IPCEF1: variants seen among roughly 807,000 people sequenced by gnomAD.
IPCEF1 encodes the protein interaction protein for cytohesin exchange factors 1.
IPCEF1 carries 31 observed loss-of-function variants against 50.9 expected under a neutral mutation model. The ratio of observed to expected loss-of-function variants is 0.61; its 90% CI spans 0.46 to 0.82. IPCEF1 has a LOEUF of 0.82. IPCEF1 is among the 40% of genes least tolerant of loss of function. The pLI is 0.00. For missense variants in IPCEF1, 458 were observed against 514.0 expected (o/e 0.89, Z 1.05); for synonymous variants, 181 against 192.0 (o/e 0.94, Z 0.47).
chr6:154,194,145 A>T (rs919450704), intron 10 of IPCEF1, among the ~76,000 whole-genome samples: 10 of 152,240 alleles, frequency 6.6e-5, no homozygotes, highest in African/African-American at 2.2e-4. Context: ...CATGCCTGTA[A>T]TCCCAGCAAT....
intron 10 of IPCEF1, among the ~76,000 whole-genome samples, chr6:154,197,424 A>T (rs1776703946): frequency 6.6e-6 from 1 of 152,230 alleles, no homozygotes; most frequent in Non-Finnish European, 1.5e-5. Flanking sequence ...GCAGAAGAAA[A>T]TCATCAGCAA....
chr6:154,221,667 A>G (rs1778871664), intron 6 of IPCEF1, among the ~76,000 whole-genome samples: 1 of 152,022 alleles, frequency 6.6e-6, no homozygotes, highest in South Asian at 2.1e-4. Flanking sequence ...AGGTCAGGAG[A>G]TCGAGACCAT....
intron 3 of IPCEF1, among the ~76,000 whole-genome samples, chr6:154,250,640 G>A (rs1017042409): frequency 3.3e-5 from 5 of 152,194 alleles, no homozygotes; most frequent in Non-Finnish European, 5.9e-5. Context: ...GAATGTTGGG[G>A]CTAACGCCCA....
intron 5 of IPCEF1, among the ~76,000 whole-genome samples, chr6:154,245,438 C>T (rs1255699339): frequency 2.6e-5 from 4 of 152,072 alleles, no homozygotes; most frequent in African/African-American, 9.7e-5. Context: ...CTGGTTTAAC[C>T]AAATCTTTAA....
At chr6:154,196,614 T>C (rs771001087) in intron 10 of IPCEF1, among the ~76,000 whole-genome samples, 4 of 152,210 alleles carry the variant, frequency 2.6e-5, no homozygotes, top group Non-Finnish European at 5.9e-5. Flanking sequence ...TAGTGTGTGT[T>C]GTACATATGT....
intron 2 of IPCEF1, among the ~76,000 whole-genome samples, chr6:154,273,731 T>C (rs12174102): frequency 2.7e-3 from 51 of 18,672 alleles, no homozygotes; most frequent in East Asian, 0.017. Context: ...TTTCTTTTTT[T>C]TTTTTTTTTT....
intron 10 of IPCEF1, among the ~76,000 whole-genome samples, chr6:154,192,318 C>CTGTGTGTTTGTGTGTGTGTGTG (rs374502866): frequency 1.4e-5 from 2 of 148,032 alleles, no homozygotes; most frequent in Non-Finnish European, 3.0e-5. Context: ...CACGTGGTTA[C>CTGTGTGTTTGTGTGTGTGTGTG]TGTGTGTGTG....
intron 10 of IPCEF1, among the ~76,000 whole-genome samples, chr6:154,171,461 T>G (rs906321010): frequency 1.3e-5 from 2 of 151,844 alleles, no homozygotes; most frequent in Non-Finnish European, 2.9e-5. Flanking sequence ...GCCTGGGGTC[T>G]GGGAGGGGAC....
intron 1 of IPCEF1, among the ~76,000 whole-genome samples, chr6:154,350,394 A>G (rs1190274678): frequency 6.6e-6 from 1 of 152,242 alleles, no homozygotes; most frequent in Non-Finnish European, 1.5e-5. Flanking sequence ...AATCTTTTAT[A>G]GATTTCACAA....
In IPCEF1 at chr6:154,243,020, T is replaced by C. The variant is rs191535449; in HGVS notation, c.246+3571A>G. Among the ~76,000 whole-genome samples the C allele has an allele frequency of 1.5e-3, 225 of 152,088 alleles. 4 individuals are homozygous for C. Among genetic ancestry groups the C allele is most frequent in the Admixed American group, 0.015 (224 of 15,272 alleles). On this transcript the variant is annotated intron_variant, in intron 5 of 11. Coordinates refer to ENST00000367220, the MANE Select transcript of IPCEF1 (RefSeq NM_001130700.2). ...AATTTGACCTATAAGGAGGGATAAG[T>C]TTGATGGAATTGGATAGGAGAAAGA... is the stretch of plus-strand genomic sequence containing the variant.
At chr6:154,324,695 C>T (rs1025178174) in intron 1 of IPCEF1, among the ~76,000 whole-genome samples, 2 of 152,114 alleles carry the variant, frequency 1.3e-5, no homozygotes, top group Non-Finnish European at 1.5e-5. Flanking sequence ...GTAATCCCAA[C>T]TACTTGGGAG....
intron 10 of IPCEF1, 27 bp downstream of exon 10, chr6:154,199,641 C>T (rs753112323): frequency 1.9e-5 from 30 of 1,552,104 alleles, no homozygotes; most frequent in Middle Eastern, 3.5e-4. Context: ...CACTCTCTAA[C>T]GAAGAATAAA....
intron 1 of IPCEF1, among the ~76,000 whole-genome samples, chr6:154,346,922 T>G (rs1158483529): frequency 6.6e-6 from 1 of 152,208 alleles, no homozygotes; most frequent in Non-Finnish European, 1.5e-5. Context: ...CTCAAAACTC[T>G]GCCTTCCTAT....
chr6:154,214,193 T>C, intron 8 of IPCEF1, 25 bp downstream of exon 8: 3 of 1,501,664 alleles, frequency 2.0e-6, no homozygotes, highest in Middle Eastern at 1.7e-4. Context: ...TTGCTAAATT[T>C]TCAGAAATTT....
intron 1 of IPCEF1, among the ~76,000 whole-genome samples, chr6:154,307,391 G>A (rs190284648): frequency 3.3e-5 from 5 of 152,322 alleles, no homozygotes; most frequent in Non-Finnish European, 7.4e-5. Flanking sequence ...CGCCATGGTT[G>A]TGAGGCTTCC....
chr6:154,165,394 C>A (rs1222496081), intron 11 of IPCEF1, among the ~76,000 whole-genome samples: 3 of 152,184 alleles, frequency 2.0e-5, no homozygotes, highest in African/African-American at 4.8e-5. Context: ...CATGAACATG[C>A]ACACATGTAC....
At chr6:154,204,994 T>TCC (rs1730126016) in intron 9 of IPCEF1, among the ~76,000 whole-genome samples, 1 of 152,172 alleles carries the variant, frequency 6.6e-6, no homozygotes, top group African/African-American at 2.4e-5. Context: ...CAGAAAGGCT[T>TCC]CCCTGTGGAT....
intron 10 of IPCEF1, among the ~76,000 whole-genome samples, chr6:154,189,112 A>G (rs1801634824): frequency 1.3e-5 from 2 of 152,228 alleles, no homozygotes; most frequent in African/African-American, 2.4e-5. Flanking sequence ...CATTCCTACA[A>G]ATCCATTGGA....
At chr6:154,337,847 G>A (rs1243124862) in intron 1 of IPCEF1, among the ~76,000 whole-genome samples, 1 of 152,166 alleles carries the variant, frequency 6.6e-6, no homozygotes, top group Non-Finnish European at 1.5e-5. Flanking sequence ...CTCGAGTAGA[G>A]GACTTCAGTG....
Sources: allele counts gnomAD v4.1 joint callset (sites outside exome capture counted in the v4.1 genomes callset), GRCh38; gene constraint gnomAD v4.1.1; transcripts MANE v1.5; gene names NCBI Gene and HGNC (gene_info 2026-07-23, HGNC 2026-07-21).